The following MAGI3 variants were observed in gnomAD, a reference collection of about 807,000 sequenced individuals.
The protein encoded by MAGI3 is membrane-associated guanylate kinase, WW and PDZ domain-containing protein 3.
A neutral mutation model predicts 121.8 loss-of-function variants in MAGI3; 43 were observed. The ratio of observed to expected loss-of-function variants is 0.35; its 90% CI spans 0.28 to 0.46. MAGI3 has a LOEUF of 0.46. MAGI3 is among the 20% of genes least tolerant of loss of function. MAGI3 has a pLI of 1.00. For missense variants in MAGI3, 1,547 were observed against 1,797.3 expected, an observed-to-expected ratio of 0.86 and a Z score of 2.52; for synonymous variants, 553 against 639.3, an observed-to-expected ratio of 0.86 and a Z score of 2.04.
chr1:113,481,052 A>C (rs113578968), intron 1 of MAGI3, among the ~76,000 whole-genome samples: 3 of 152,272 alleles, frequency 2.0e-5, no homozygotes, highest in South Asian at 2.1e-4. Flanking sequence ...TCATATTATC[A>C]CTACATCCAT....
At chr1:113,556,956 G>A (rs1660017592) in intron 2 of MAGI3, among the ~76,000 whole-genome samples, 1 of 152,168 alleles carries the variant, frequency 6.6e-6, no homozygotes, top group Non-Finnish European at 1.5e-5. Flanking sequence ...AACTACCAGT[G>A]CTCACTCATG....
chr1:113,551,940 CTCT>C (rs758544373), intron 2 of MAGI3, among the ~76,000 whole-genome samples: 4 of 151,890 alleles, frequency 2.6e-5, no homozygotes, highest in Non-Finnish European at 5.9e-5. Flanking sequence ...ACTTAGTCAT[CTCT>C]TCTTTTTCCT....
intron 16 of MAGI3, among the ~76,000 whole-genome samples, chr1:113,665,527 CA>C (rs1273751710): frequency 6.6e-6 from 1 of 151,436 alleles, no homozygotes; most frequent in Non-Finnish European, 1.5e-5. Context: ...TAAGCTCCTC[CA>C]AAAAAAATCA....
chr1:113,467,458 G>C (rs1454543291), intron 1 of MAGI3, among the ~76,000 whole-genome samples: 1 of 152,100 alleles, frequency 6.6e-6, no homozygotes, highest in Non-Finnish European at 1.5e-5. Flanking sequence ...CTAGTGTGTA[G>C]TTTAACTCTG....
chr1:113,391,145 G>C lies in MAGI3; in HGVS notation c.112G>C (p.Glu38Gln), dbSNP rs1650779651. ...CGGCGCGGAGATCCGCGGTGGCGCG[G>C]AGCGTGGCGAGTTCCCCTACCTGGG... ...DFGAEIRGGA[E>Q]RGEFPYLGRL... Residue 38 changes from glutamate (E) to glutamine (Q), a missense_variant, in exon 1 of 21, where the codon GAG becomes CAG. Coordinates refer to ENST00000307546, the MANE Select transcript of MAGI3 (RefSeq NM_001142782.2). The surrounding 1 kb of genome is among the most constrained non-coding windows in gnomAD (Gnocchi z 4.4). 8 of 1,561,884 alleles carry C rather than the reference G, an allele frequency of 5.1e-6. No individual in the cohort carries two copies. The East Asian group carries it at 1.9e-4, about 37-fold the overall frequency.
chr1:113,633,653 G>T (rs1264187706), intron 9 of MAGI3, among the ~76,000 whole-genome samples: 1 of 152,134 alleles, frequency 6.6e-6, no homozygotes, highest in Non-Finnish European at 1.5e-5. Flanking sequence ...CATTTGGGTT[G>T]GTTCCAAGTC....
chr1:113,410,353 C>G (rs556886703), intron 1 of MAGI3, among the ~76,000 whole-genome samples: 2 of 152,050 alleles, frequency 1.3e-5, no homozygotes, highest in Non-Finnish European at 2.9e-5. Flanking sequence ...TTCAAAAGTT[C>G]CATAAAGAAT....
intron 9 of MAGI3, among the ~76,000 whole-genome samples, chr1:113,631,177 A>G (rs1356568960): frequency 6.6e-6 from 1 of 152,114 alleles, no homozygotes; most frequent in Non-Finnish European, 1.5e-5. Flanking sequence ...TCTCACCACC[A>G]GTGCAGGGAG....
At position 113,549,601 on chromosome 1, in the gene MAGI3, A is replaced by T; in HGVS notation, c.403A>T (p.Arg135Ter). 1 of 1,604,432 alleles carries T rather than the reference A, an allele frequency of 6.2e-7. No homozygotes were observed. The highest frequency in any genetic ancestry group is 8.5e-7 in the Non-Finnish European group (1 of 1,173,920). ...TGACCACAAACTGCAGCAAGTGATC[A>T]GAGATAATCTCTACTTGAGAACCAT... The part of the protein sequence containing the change: ...SIDHKLQQVI[R>*]DNLYLRTIPC... Residue 135 changes from arginine to a stop codon, truncating the protein, a stop_gained, in exon 2 of 21, where the codon AGA becomes TGA. Coordinates refer to ENST00000307546, the MANE Select transcript of MAGI3 (RefSeq NM_001142782.2). LOFTEE classifies it high-confidence loss of function.
chr1:113,671,054 C>T (rs767070767), intron 16 of MAGI3, among the ~76,000 whole-genome samples: 8 of 152,274 alleles, frequency 5.3e-5, no homozygotes, highest in Non-Finnish European at 1.2e-4. Flanking sequence ...GTTCTAGGTG[C>T]AGGCAGTCAC....
At chr1:113,606,244 A>T (rs1295810690) in intron 6 of MAGI3, among the ~76,000 whole-genome samples, 1 of 152,038 alleles carries the variant, frequency 6.6e-6, no homozygotes, top group Non-Finnish European at 1.5e-5. Context: ...TGGGATTACA[A>T]GTGTGAGCCA....
chr1:113,568,444 T>C (rs1660524920), intron 2 of MAGI3, among the ~76,000 whole-genome samples: 1 of 152,238 alleles, frequency 6.6e-6, no homozygotes, highest in African/African-American at 2.4e-5. Context: ...GTAGATTCAA[T>C]GTAATTCCAT....
At position 113,504,154 on chromosome 1, in the gene MAGI3, G is replaced by A. The variant is rs527530401; in HGVS notation, c.317-45361G>A. Among the ~76,000 whole-genome samples, 140 of 152,058 alleles carry A rather than the reference G, an allele frequency of 9.2e-4. 1 individual carries two copies. Among genetic ancestry groups the A allele is most frequent in the African/African-American group, 3.3e-3 (135 of 41,534 alleles). Reference sequence around the variant, plus strand: ...AGAAGGAACTTTGATATTTAAGTAGGAACCATCTTCTAGGGGACCCTGTTG... The same window carrying A: ...AGAAGGAACTTTGATATTTAAGTAGAAACCATCTTCTAGGGGACCCTGTTG... On this transcript the variant is annotated intron_variant, in intron 1 of 20. Transcript: ENST00000307546.
chr1:113,490,515 C>G (rs912003558), intron 1 of MAGI3, among the ~76,000 whole-genome samples: 1 of 152,108 alleles, frequency 6.6e-6, no homozygotes, highest in Non-Finnish European at 1.5e-5. Context: ...AGTGTCAGAT[C>G]CAAACATACT....
intron 1 of MAGI3, among the ~76,000 whole-genome samples, chr1:113,496,486 A>G (rs1309404055): frequency 6.6e-6 from 1 of 152,228 alleles, no homozygotes; most frequent in Non-Finnish European, 1.5e-5. Flanking sequence ...TAAATAGATT[A>G]CTTTCCCACC....
At chr1:113,483,410 A>G (rs908272913) in intron 1 of MAGI3, among the ~76,000 whole-genome samples, 10 of 152,134 alleles carry the variant, frequency 6.6e-5, no homozygotes, top group African/African-American at 2.2e-4. Context: ...GCTTAGTGCC[A>G]TTATAAAGAG....
At chr1:113,546,011 G>T (rs1570835752) in intron 1 of MAGI3, among the ~76,000 whole-genome samples, 1 of 152,232 alleles carries the variant, frequency 6.6e-6, no homozygotes, top group East Asian at 1.9e-4. Flanking sequence ...TAATGTGTCT[G>T]TTGGCCTTCT....
intron 4 of MAGI3, 116 bp from the exon 5 acceptor site, chr1:113,590,368 G>T (rs988043381): frequency 9.4e-6 from 9 of 953,694 alleles, no homozygotes; most frequent in Non-Finnish European, 1.4e-5. Flanking sequence ...GGACATAATA[G>T]ACAAGAAATT....
At chr1:113,417,591 T>C (rs1652520647) in intron 1 of MAGI3, among the ~76,000 whole-genome samples, 1 of 152,154 alleles carries the variant, frequency 6.6e-6, no homozygotes, top group South Asian at 2.1e-4. Context: ...CACTTTTACT[T>C]TCCTACTCCC....
Sources: gnomAD v4.1 joint callset for allele counts (sites outside exome capture counted in the v4.1 genomes callset) on GRCh38, gnomAD v4.1.1 for gene constraint, Gnocchi (gnomAD v3.1) non-coding constraint, MANE v1.5 for transcripts, NCBI Gene and HGNC (gene_info 2026-07-23, HGNC 2026-07-21) for gene names.